The following EHBP1 variants were observed in gnomAD, a reference collection of about 807,000 sequenced individuals.
EHBP1 encodes the protein EH domain-binding protein 1.
EHBP1 carries 55 observed loss-of-function variants against 144.0 expected under a neutral mutation model. That is an observed-to-expected ratio of 0.38 (90% CI 0.31 to 0.48). EHBP1 has a LOEUF of 0.48. Among genes scored for constraint, EHBP1 ranks in the 20% least tolerant of loss-of-function variants. The pLI is 0.98. For missense variants in EHBP1, 1,200 were observed against 1,364.2 expected (o/e 0.88, Z 1.90); for synonymous variants, 469 against 472.7 (o/e 0.99, Z 0.10).
At chr2:62,755,131 C>A (rs1432024696) in intron 3 of EHBP1, among the ~76,000 whole-genome samples, 2 of 152,288 alleles carry the variant, frequency 1.3e-5, no homozygotes, top group East Asian at 3.9e-4. Flanking sequence ...ATCTTGTAAC[C>A]ACCCCCACTT....
At chr2:63,006,127 T>G (rs1004518780) in intron 19 of EHBP1, among the ~76,000 whole-genome samples, 2 of 152,006 alleles carry the variant, frequency 1.3e-5, no homozygotes, top group Non-Finnish European at 2.9e-5. Flanking sequence ...TTATAAAACT[T>G]TGGACTAGGG....
At chr2:62,848,540 A>T (rs2048457599) in intron 7 of EHBP1, among the ~76,000 whole-genome samples, 1 of 151,990 alleles carries the variant, frequency 6.6e-6, no homozygotes, top group Non-Finnish European at 1.5e-5. Context: ...TCAGGCATAC[A>T]TCAACAGAAG....
intron 8 of EHBP1, among the ~76,000 whole-genome samples, chr2:62,862,069 G>C (rs2049604315): frequency 6.6e-6 from 1 of 152,028 alleles, no homozygotes; most frequent in African/African-American, 2.4e-5. Flanking sequence ...AGATTCTAGT[G>C]GTGTTAAGTT....
chr2:62,986,939 G>A (rs1472007341), intron 15 of EHBP1, among the ~76,000 whole-genome samples: 3 of 151,884 alleles, frequency 2.0e-5, no homozygotes, highest in South Asian at 2.1e-4. Context: ...TTATCAATTG[G>A]AAAAAAATCT....
At chr2:62,941,624 G>A (rs555429223) in intron 10 of EHBP1, among the ~76,000 whole-genome samples, 2 of 152,078 alleles carry the variant, frequency 1.3e-5, no homozygotes, top group Non-Finnish European at 2.9e-5. Flanking sequence ...ACATGCTTTT[G>A]TCAAGTGGGG....
intron 10 of EHBP1, among the ~76,000 whole-genome samples, chr2:62,925,704 A>T (rs1312329057): frequency 2.0e-5 from 3 of 152,124 alleles, no homozygotes; most frequent in African/African-American, 7.2e-5. Context: ...TTAACCAAGG[A>T]GGTGAAAGAC....
At chr2:62,712,051 T>C (rs533222067) in intron 2 of EHBP1, among the ~76,000 whole-genome samples, 54 of 152,228 alleles carry the variant, frequency 3.5e-4, no homozygotes, top group African/African-American at 1.1e-3. Flanking sequence ...TATTGCAACA[T>C]GTGTAAATGC....
At chr2:63,002,179 C>T (rs368460504) in intron 19 of EHBP1, among the ~76,000 whole-genome samples, 56 of 152,222 alleles carry the variant, frequency 3.7e-4, no homozygotes, top group African/African-American at 1.2e-3. Flanking sequence ...AACATTATAA[C>T]CTTCAGAGGG....
At chr2:62,790,198 T>C (rs1435956256) in intron 5 of EHBP1, among the ~76,000 whole-genome samples, 1 of 152,218 alleles carries the variant, frequency 6.6e-6, no homozygotes, top group Non-Finnish European at 1.5e-5. Context: ...TTGGCTTGAT[T>C]TGTATTGGCA....
At position 62,979,251 on chromosome 2, in the gene EHBP1, C is replaced by A; in HGVS notation, c.2524C>A (p.Arg842=). 6.2e-7 allele frequency: 1 copy of A among 1,613,816 alleles called. No individual in the cohort carries two copies. The highest frequency in any genetic ancestry group is 2.2e-5 in the East Asian group (1 of 44,848). The change falls in exon 15 of 23, where the codon CGA becomes AGA. Residue 842 remains arginine (R), a synonymous_variant. Transcript: ENST00000431489. ...ERARQLIAEA[R]SGVKMSELPS... ...AGCTCGTCAGCTAATAGCAGAAGCT[C>A]GATCTGGAGTGAAGATGTCAGAACT... is the stretch of plus-strand genomic sequence containing the variant.
intron 5 of EHBP1, among the ~76,000 whole-genome samples, chr2:62,806,315 T>G (rs1056687276): frequency 2.6e-5 from 4 of 152,150 alleles, no homozygotes; most frequent in Non-Finnish European, 4.4e-5. Flanking sequence ...GTCCTTGTTC[T>G]TTATATCTGT....
chr2:63,010,925 T>C (rs956308649), intron 19 of EHBP1, among the ~76,000 whole-genome samples: 2 of 151,668 alleles, frequency 1.3e-5, no homozygotes, highest in African/African-American at 4.8e-5. Flanking sequence ...AGAACATTTC[T>C]TTGTACCAGT....
rs1558977241 is a variant in EHBP1 at position 62,955,610 on chromosome 2, A to G, written c.2410A>G (p.Lys804Glu). 5 of 1,612,506 alleles carry G rather than the reference A, an allele frequency of 3.1e-6. No individual in the cohort carries two copies. The highest frequency in any genetic ancestry group is 3.4e-6 in the Non-Finnish European group (4 of 1,179,094). Residue 804 changes from lysine (K) to glutamate (E), a missense_variant, in exon 14 of 23, where the codon AAG becomes GAG. Physicochemically the swap from Lys to Glu is moderately conservative, Grantham distance 56. Coordinates refer to ENST00000431489, the MANE Select transcript of EHBP1 (RefSeq NM_001142616.3). ...AGATGCAGCCTTAAAGGCGGGGAAT[A>G]AGCACAATACCAACACAGCCACCCC... ...RRDAALKAGN[K>E]HNTNTATPFC... is the part of the protein sequence containing the mutation.
intron 1 of EHBP1, among the ~76,000 whole-genome samples, chr2:62,686,545 C>G (rs774806439): frequency 2.0e-5 from 3 of 152,138 alleles, no homozygotes; most frequent in Non-Finnish European, 4.4e-5. Flanking sequence ...AGTTCCAATG[C>G]AAATTATCAC....
At chr2:62,675,882 A>G (rs1008392127) in intron 1 of EHBP1, among the ~76,000 whole-genome samples, 6 of 152,286 alleles carry the variant, frequency 3.9e-5, no homozygotes, top group African/African-American at 1.2e-4. Context: ...CTTCCCAAGT[A>G]TCTGGAACCA....
In EHBP1 at chr2:62,760,626, G is replaced by A. The variant is rs560324178; in HGVS notation, c.163-3640G>A. ...TCCTAACTCTGCCCAGTTGTTAGAC[G>A]GTCTCCGTATTCCCTGCTTTTCCCA... On this transcript the variant is annotated intron_variant, in intron 3 of 22. Transcript: ENST00000431489. Among the ~76,000 whole-genome samples the A allele has an allele frequency of 7.2e-5, 11 of 152,206 alleles. 1 individual carries two copies. In the East Asian group the frequency reaches 2.1e-3, roughly 29 times the overall value.
At chr2:63,036,428 G>C (rs1228593245) in intron 19 of EHBP1, among the ~76,000 whole-genome samples, 2 of 151,954 alleles carry the variant, frequency 1.3e-5, no homozygotes, top group Non-Finnish European at 2.9e-5. Flanking sequence ...GGAAGTGTGG[G>C]GTTGGTGGAA....
At chr2:63,041,139 C>G (rs1314548166) in intron 21 of EHBP1, among the ~76,000 whole-genome samples, 1 of 151,992 alleles carries the variant, frequency 6.6e-6, no homozygotes, top group Admixed American at 6.6e-5. Context: ...GAAATATTAA[C>G]AGCTTGGTTT....
chr2:62,893,470 A>G (rs2052622480), intron 10 of EHBP1, among the ~76,000 whole-genome samples: 1 of 152,206 alleles, frequency 6.6e-6, no homozygotes. Context: ...AGTGCTCATT[A>G]CTACTCTTAA....
Sources: allele counts gnomAD v4.1 joint callset (sites outside exome capture counted in the v4.1 genomes callset), GRCh38; gene constraint gnomAD v4.1.1; transcripts MANE v1.5; gene names NCBI Gene and HGNC (gene_info 2026-07-23, HGNC 2026-07-21).